Variants in UGT1A8 observed in about 807,000 individuals in gnomAD.
The protein encoded by UGT1A8 is UDP glucuronosyltransferase family 1 member A8, also known as UDP-glucuronosyltransferase 1A8.
In UGT1A8, 39 loss-of-function variants were observed where a neutral mutation model predicts 45.3. The observed-to-expected ratio is 0.86, with a 90% CI of 0.67 to 1.12. The LOEUF (loss-of-function observed/expected upper bound fraction) is 1.12, where lower values mean the gene tolerates loss of function less well. Among genes scored for constraint, UGT1A8 ranks in the 50% most tolerant of loss-of-function variants. The probability of loss-of-function intolerance (pLI) is 0.00; values close to 1 mark genes in which losing one functional copy is unlikely to be tolerated. For missense variants in UGT1A8, 719 were observed against 664.9 expected (o/e 1.08, Z -0.90); for synonymous variants, 275 against 249.2 (o/e 1.10, Z -0.97).
chr2:233,650,123 A>G (rs1190210594), intron 1 of UGT1A8, among the ~76,000 whole-genome samples: 1 of 152,116 alleles, frequency 6.6e-6, no homozygotes, highest in Non-Finnish European at 1.5e-5. Context: ...GGCACATGCC[A>G]CCACACCCAG....
At chr2:233,672,109 A>G (rs199829358) in intron 1 of UGT1A8, 4 of 1,614,054 alleles carry the variant, frequency 2.5e-6, no homozygotes, top group Non-Finnish European at 3.4e-6. Flanking sequence ...GGTTGTAGTC[A>G]TGCCAGAGGT....
intron 1 of UGT1A8, among the ~76,000 whole-genome samples, chr2:233,694,879 G>T (rs1427044787): frequency 6.6e-6 from 1 of 152,168 alleles, no homozygotes; most frequent in Non-Finnish European, 1.5e-5. Context: ...GTACACATTT[G>T]GGGGGTTCAT....
chr2:233,772,468 T>C lies in UGT1A8; in HGVS notation c.1502T>C (p.Phe501Ser). ...TTGGCCGTCGTGCTGACAGTGGCCTTCATCACCTTTAAATGTTGTGCTTAT... is the reference window on the plus strand; with the variant it reads ...TTGGCCGTCGTGCTGACAGTGGCCTCCATCACCTTTAAATGTTGTGCTTAT... ...FLLAVVLTVA[F>S]ITFKCCAYGY... The change falls in exon 5 of 5, where the codon TTC becomes TCC. Residue 501 changes from phenylalanine to serine, a missense_variant. Coordinates refer to ENST00000373450, the MANE Select transcript of UGT1A8 (RefSeq NM_019076.5). 1 of 1,614,162 alleles carries C rather than the reference T, an allele frequency of 6.2e-7. No individual in the cohort carries two copies. Among genetic ancestry groups the C allele is most frequent in the South Asian group, 1.1e-5 (1 of 91,082 alleles).
At chr2:233,678,615 C>T (rs990836815) in intron 1 of UGT1A8, among the ~76,000 whole-genome samples, 1 of 152,168 alleles carries the variant, frequency 6.6e-6, no homozygotes, top group African/African-American at 2.4e-5. Context: ...GGGTTCATGT[C>T]TTAATAGAAG....
intron 1 of UGT1A8, among the ~76,000 whole-genome samples, chr2:233,710,956 G>C (rs953635431): frequency 6.6e-6 from 1 of 152,214 alleles, no homozygotes. Context: ...ATGTCTCTGA[G>C]ATTGGCAGAG....
At chr2:233,719,369 G>A (rs779205273) in intron 1 of UGT1A8, 113 of 1,613,764 alleles carry the variant, frequency 7.0e-5, no homozygotes, top group Non-Finnish European at 9.2e-5. Flanking sequence ...TAGACTTTAA[G>A]GGCACACAGT....
Position 233,769,517 on chromosome 2 carries a change from G to C in UGT1A8, c.1295+1078G>C. The C allele has an allele frequency of 6.2e-7, 1 of 1,612,844 alleles. No individual in the cohort carries two copies. The highest frequency in any genetic ancestry group is 8.5e-7 in the Non-Finnish European group (1 of 1,179,874). On this transcript the variant is annotated intron_variant, in intron 4 of 4. Coordinates refer to ENST00000373450, the MANE Select transcript of UGT1A8 (RefSeq NM_019076.5). This position sits in a 1 kb window ranked among gnomAD's most constrained non-coding sequence, Gnocchi z 4.4. ...AGAGTGTCCATTGCTTTCTCCCATG[G>C]TTACCTCCTTTAGAAAGAAGCAGCA...
intron 1 of UGT1A8, among the ~76,000 whole-genome samples, chr2:233,753,860 A>G (rs1273913066): frequency 1.3e-5 from 2 of 152,194 alleles, no homozygotes; most frequent in Non-Finnish European, 2.9e-5. Flanking sequence ...CCAACCACAT[A>G]ACCCCAAGGT....
intron 1 of UGT1A8, among the ~76,000 whole-genome samples, chr2:233,618,812 T>G (rs1439443478): frequency 1.3e-5 from 2 of 152,216 alleles, no homozygotes; most frequent in Non-Finnish European, 1.5e-5. Flanking sequence ...GAGTACCATG[T>G]TTAGAAAAGT....
chr2:233,627,494 A>G (rs114466188), intron 1 of UGT1A8, among the ~76,000 whole-genome samples: 295 of 152,160 alleles, frequency 1.9e-3, no homozygotes, highest in Non-Finnish European at 2.3e-3. Flanking sequence ...TCTTATAGCA[A>G]TGCTACACCC....
At position 233,725,204 on chromosome 2, in the gene UGT1A8, AGAGGCAGAGGCAGAG is replaced by A. The variant is rs1441655481; in HGVS notation, c.856-41768_856-41754del. On this transcript the variant is annotated intron_variant, in intron 1 of 4. Coordinates refer to ENST00000373450, the MANE Select transcript of UGT1A8 (RefSeq NM_019076.5). ...GAGAGGCAGAGGCAGAGGCAGAGGC[AGAGGCAGAGGCAGAG>A]GAGGCAGAGGCAGAGGAGGCAGAGG... Among the ~76,000 whole-genome samples, 412 of 85,248 alleles carry A rather than the reference AGAGGCAGAGGCAGAG, an allele frequency of 4.8e-3. 82 individuals carry two copies. Among genetic ancestry groups the A allele is most frequent in the East Asian group, 0.012 (46 of 3,984 alleles). The allele number at this position is 85,248 out of a possible 152,430, so 55.9% of individuals were successfully genotyped here.
At chr2:233,713,253 G>A (rs1357928110) in intron 1 of UGT1A8, 11 of 1,614,108 alleles carry the variant, frequency 6.8e-6, no homozygotes, top group Middle Eastern at 1.6e-4. Context: ...GACCCAGGAC[G>A]AATTTGATCG....
intron 1 of UGT1A8, chr2:233,713,039 G>A (rs1346313481): frequency 5.6e-6 from 9 of 1,613,884 alleles, no homozygotes; most frequent in Non-Finnish European, 7.6e-6. Flanking sequence ...CCACAGGACT[G>A]CTGCTTCTCC....
At chr2:233,620,382 C>T (rs993533891) in intron 1 of UGT1A8, among the ~76,000 whole-genome samples, 2 of 152,180 alleles carry the variant, frequency 1.3e-5, no homozygotes, top group Admixed American at 6.5e-5. Context: ...ACCCTACACC[C>T]TTTGGCCGAG....
intron 1 of UGT1A8, among the ~76,000 whole-genome samples, chr2:233,658,527 T>A (rs565484854): frequency 6.6e-6 from 1 of 152,164 alleles, no homozygotes. Flanking sequence ...CGTGTGACAG[T>A]TTTTCAGACT....
chr2:233,654,626 C>G (rs2073814600), intron 1 of UGT1A8, among the ~76,000 whole-genome samples: 1 of 152,152 alleles, frequency 6.6e-6, no homozygotes, highest in Admixed American at 6.5e-5. Flanking sequence ...AAATGCAAAA[C>G]TACTGATGAT....
chr2:233,755,153 C>T, intron 1 of UGT1A8: 10 of 1,299,120 alleles, frequency 7.7e-6, no homozygotes, highest in Non-Finnish European at 1.0e-5. Flanking sequence ...CCGCTTCCTC[C>T]CTGTCCTCGG....
intron 1 of UGT1A8, among the ~76,000 whole-genome samples, chr2:233,722,815 A>G: frequency 6.6e-6 from 1 of 151,158 alleles, no homozygotes; most frequent in East Asian, 1.9e-4. Context: ...TTATTTTTTC[A>G]AGTTATTTTG....
rs183660862 is a variant in UGT1A8, at chr2:233,649,206, G to A, written c.855+30644G>A. Among the ~76,000 whole-genome samples the A allele has an allele frequency of 2.2e-4, 33 of 152,228 alleles. 1 individual carries two copies. The East Asian group carries it at 4.6e-3, about 21-fold the overall frequency. On this transcript the variant is annotated intron_variant, in intron 1 of 4. Transcript: ENST00000373450. ...TTAGCAACTTTTATATAATGGCCTC[G>A]TTAATATGTATGTGTATACGATTGG...
Sources: gnomAD v4.1 joint callset for allele counts (sites outside exome capture counted in the v4.1 genomes callset) on GRCh38, gnomAD v4.1.1 for gene constraint, Gnocchi (gnomAD v3.1) non-coding constraint, MANE v1.5 for transcripts, NCBI Gene and HGNC (gene_info 2026-07-23, HGNC 2026-07-21) for gene names.